Variants in GBP6 observed in about 807,000 individuals in gnomAD.
The protein encoded by GBP6 is guanylate binding protein family member 6.
GBP6 carries 54 observed loss-of-function variants against 61.5 expected under a neutral mutation model. The ratio of observed to expected loss-of-function variants is 0.88; its 90% CI spans 0.71 to 1.10. The LOEUF is 1.10. Among genes scored for constraint, GBP6 ranks in the 50% least tolerant of loss-of-function variants. The probability of loss-of-function intolerance (pLI) is 0.00; values close to 1 mark genes in which losing one functional copy is unlikely to be tolerated. For missense variants in GBP6, 748 were observed against 752.8 expected (o/e 0.99, Z 0.07); for synonymous variants, 255 against 273.7 (o/e 0.93, Z 0.67).
intron 7 of GBP6, among the ~76,000 whole-genome samples, chr1:89,382,454 C>G (rs1170732811): frequency 6.6e-6 from 1 of 152,158 alleles, no homozygotes; most frequent in Non-Finnish European, 1.5e-5. Context: ...GAACCTGAAG[C>G]TCAGGAAGAT....
Position 89,378,613 on chromosome 1 carries a change from G to A in GBP6, c.625G>A (p.Gly209Ser), listed in dbSNP as rs781420431. The change falls in exon 5 of 11, where the codon GGC becomes AGC. Residue 209 changes from glycine to serine, a missense_variant and splice_region_variant. Physicochemically the swap from Gly to Ser is moderately conservative, Grantham distance 56. Coordinates refer to ENST00000370456, the MANE Select transcript of GBP6 (RefSeq NM_198460.3). ...GGAGAATGCCTTGAAGCTGATTCAA[G>A]GTATCAGAATGTGGCCTGGGCTGTG... ...YLENALKLIQ[G>S]NNPRVQTSNF... 1 of 1,610,356 alleles carries A rather than the reference G, an allele frequency of 6.2e-7. No individual in the cohort carries two copies. Among genetic ancestry groups the A allele is most frequent in the South Asian group, 1.1e-5 (1 of 90,878 alleles).
chr1:89,383,867 C>T, intron 9 of GBP6, 113 bp downstream of exon 9: 3 of 913,250 alleles, frequency 3.3e-6, no homozygotes, highest in Non-Finnish European at 5.1e-6. Flanking sequence ...GTGGAACACA[C>T]ACTCTGCTAA....
chr1:89,381,703 C>T lies in GBP6; in HGVS notation c.881C>T (p.Thr294Ile), dbSNP rs1321718515. 1.9e-6 allele frequency: 3 copies of T among 1,602,872 alleles called. No individual in the cohort carries two copies. Among genetic ancestry groups the T allele is most frequent in the Middle Eastern group, 1.7e-4 (1 of 6,012 alleles). The change falls in exon 7 of 11, where the codon ACT (threonine) becomes ATT (isoleucine). Residue 294 changes from threonine to isoleucine, a missense_variant. Coordinates refer to ENST00000370456, the MANE Select transcript of GBP6 (RefSeq NM_198460.3). Reference sequence around the variant, plus strand: ...CTCCTGGTTCATTTAGGTCTGGGAACTCTGGCAGTGACTTATGTAGAGGCC... The same window carrying T: ...CTCCTGGTTCATTTAGGTCTGGGAATTCTGGCAGTGACTTATGTAGAGGCC... ...GITVTGNRLG[T>I]LAVTYVEAIN...
chr1:89,379,075 G>A (rs1052760335), intron 5 of GBP6, among the ~76,000 whole-genome samples: 3 of 152,162 alleles, frequency 2.0e-5, no homozygotes, highest in Non-Finnish European at 4.4e-5. Context: ...AAGAAAAGAA[G>A]TTTATTTGGC....
chr1:89,379,282 A>G (rs1238469362), intron 5 of GBP6, among the ~76,000 whole-genome samples: 1 of 152,058 alleles, frequency 6.6e-6, no homozygotes, highest in Non-Finnish European at 1.5e-5. Context: ...GGATGGTAAC[A>G]AGGTATTCAT....
At chr1:89,367,009 A>C (rs1652483760) in intron 1 of GBP6, among the ~76,000 whole-genome samples, 1 of 152,196 alleles carries the variant, frequency 6.6e-6, no homozygotes, top group Admixed American at 6.5e-5. Context: ...TGGCTGAATA[A>C]TAGCTGATTG....
rs762990402 is a variant in GBP6 at position 89,384,089 on chromosome 1, G to A, written c.1469-4G>A. On this transcript the variant is annotated splice_region_variant and splice_polypyrimidine_tract_variant and intron_variant, in intron 9 of 10. Coordinates refer to ENST00000370456, the MANE Select transcript of GBP6 (RefSeq NM_198460.3). ...CTTCTCTTTCTAATACCTTCATGGA[G>A]CAGTGGATCGGGCCAAGAAGGAGGC... 11 of 1,606,084 alleles carry A rather than the reference G, an allele frequency of 6.8e-6. No homozygotes were observed. In the Admixed American group the frequency reaches 1.2e-4, roughly 17 times the overall value.
Position 89,382,876 on chromosome 1 carries a change from G to T in GBP6, c.1365G>T (p.Lys455Asn). The part of the protein sequence containing the change: ...DYWQVPRKGV[K>N]AKEVFQRFLE... ...GGCAAGTTCCCAGGAAAGGAGTAAA[G>T]GTAAGGAATAAGGGGAGCATGGGGA... The change falls in exon 8 of 11, where the codon AAG (lysine) becomes AAT (asparagine). Residue 455 changes from lysine to asparagine, a missense_variant and splice_region_variant. Transcript: ENST00000370456. The T allele has an allele frequency of 6.2e-7, 1 of 1,607,454 alleles. No homozygotes were observed. Among genetic ancestry groups the T allele is most frequent in the Non-Finnish European group, 8.5e-7 (1 of 1,174,076 alleles).
chr1:89,383,387 C>T (rs779409436), intron 8 of GBP6, among the ~76,000 whole-genome samples: 1 of 152,094 alleles, frequency 6.6e-6, no homozygotes, highest in Non-Finnish European at 1.5e-5. Flanking sequence ...GGAGTTTGTA[C>T]ACCTGTGCAC....
In GBP6 at chr1:89,384,192, G is replaced by A. The variant is rs115489421; in HGVS notation, c.1568G>A (p.Arg523His). The change falls in exon 10 of 11, where the codon CGC becomes CAC. Residue 523 changes from arginine to histidine, a missense_variant. Coordinates refer to ENST00000370456, the MANE Select transcript of GBP6 (RefSeq NM_198460.3). ...CAGATGGAGGCTCAAGATAAGAGTCGCAAGGAAAACATAGCCCAACTGAAG... is the reference window on the plus strand; with the variant it reads ...CAGATGGAGGCTCAAGATAAGAGTCACAAGGAAAACATAGCCCAACTGAAG... ...QQQMEAQDKSRKENIAQLKEK... is the reference protein window; with the variant it reads ...QQQMEAQDKSHKENIAQLKEK... The A allele has an allele frequency of 1.1e-4, 180 of 1,613,990 alleles. 1 individual carries two copies. In the African/African-American group the frequency reaches 1.8e-3, roughly 16 times the overall value.
Position 89,385,444 on chromosome 1 carries a change from T to G in GBP6, c.1877T>G (p.Phe626Cys), listed in dbSNP as rs1347325557. ...GHGVKGVSSL[F>C]KKHKLPF ...GGTGTCAAAGGTGTGAGCTCACTCTTTAAAAAGCATAAGCTCCCCTTTTAA... is the reference window on the plus strand; with the variant it reads ...GGTGTCAAAGGTGTGAGCTCACTCTGTAAAAAGCATAAGCTCCCCTTTTAA... The change falls in exon 11 of 11, where the codon TTT becomes TGT. Residue 626 changes from phenylalanine (F) to cysteine (C), a missense_variant. Phe to Cys is a radical substitution (Grantham distance 205). Coordinates refer to ENST00000370456, the MANE Select transcript of GBP6 (RefSeq NM_198460.3). The G allele has an allele frequency of 6.2e-7, 1 of 1,614,140 alleles. No homozygotes were observed.
rs763393073 is a variant in GBP6, at chr1:89,385,234, A to G, written c.1667A>G (p.Gln556Arg). 2 of 1,612,824 alleles carry G rather than the reference A, an allele frequency of 1.2e-6. No individual in the cohort carries two copies. The highest frequency in any genetic ancestry group is 2.7e-5 in the African/African-American group (2 of 74,928). ...TCCTTCCTACATTGTCTTTAGGTCC[A>G]AAATGATTGGCTTCATGAAGGATTT... ...IMMLEHTQKV[Q>R]NDWLHEGFKK... is the part of the protein sequence containing the mutation. Residue 556 changes from glutamine (Q) to arginine (R), a missense_variant, in exon 11 of 11, where the codon CAA becomes CGA. Transcript: ENST00000370456.
chr1:89,373,621 C>G (rs1464089139), intron 3 of GBP6, among the ~76,000 whole-genome samples: 1 of 152,014 alleles, frequency 6.6e-6, no homozygotes, highest in African/African-American at 2.4e-5. Flanking sequence ...ACAATGAAAA[C>G]ACTTGGACAC....
chr1:89,365,021 C>T (rs1004548866), intron 1 of GBP6, among the ~76,000 whole-genome samples: 6 of 150,342 alleles, frequency 4.0e-5, no homozygotes, highest in East Asian at 2.0e-4. Flanking sequence ...CCCCGCCGCC[C>T]GTGTCCACAT....
intron 3 of GBP6, among the ~76,000 whole-genome samples, chr1:89,372,565 A>G (rs1164428672): frequency 6.6e-6 from 1 of 152,206 alleles, no homozygotes; most frequent in African/African-American, 2.4e-5. Context: ...AAATAGGGAA[A>G]GGATTCCCTA....
In GBP6 at chr1:89,384,293, C is replaced by G. The variant is rs755744949; in HGVS notation, c.1662+7C>G. The G allele has an allele frequency of 6.2e-7, 1 of 1,604,084 alleles. No homozygotes were observed. The highest frequency in any genetic ancestry group is 8.5e-7 in the Non-Finnish European group (1 of 1,175,140). On this transcript the variant is annotated splice_region_variant and intron_variant, in intron 10 of 10. Transcript: ENST00000370456. ...GTTGGAGCACACGCAGAAGGTAAGT[C>G]TGCCCTTGGCCTCAGCAGGCCAGAC...
At position 89,382,746 on chromosome 1, in the gene GBP6, A is replaced by G. The variant is rs1407424681; in HGVS notation, c.1235A>G (p.Glu412Gly). 6.2e-7 allele frequency: 1 copy of G among 1,613,970 alleles called. No individual in the cohort carries two copies. The highest frequency in any genetic ancestry group is 1.3e-5 in the African/African-American group (1 of 75,032). The stretch of plus-strand genomic sequence containing the variant: ...CAATACTGCCAGGCTAAACTCAATG[A>G]GCTCTCAAAGGGACTAATGGAAAGT... ...SVQYCQAKLN[E>G]LSKGLMESIS... is the part of the protein sequence containing the mutation. Residue 412 changes from glutamate (E) to glycine (G), a missense_variant, in exon 8 of 11, where the codon GAG becomes GGG. Physicochemically the swap from Glu to Gly is moderately conservative, Grantham distance 98 (BLOSUM62 -2). Coordinates refer to ENST00000370456, the MANE Select transcript of GBP6 (RefSeq NM_198460.3).
rs1653175336 is a variant in GBP6, at chr1:89,387,564, T to C, written c.*2095T>C. Among the ~76,000 whole-genome samples, 1 of 151,318 alleles carries C rather than the reference T, an allele frequency of 6.6e-6. No homozygotes were observed. Among genetic ancestry groups the C allele is most frequent in the Non-Finnish European group, 1.5e-5 (1 of 67,308 alleles). ...GTGATTATTTTCAATTGATAAAATA[T>C]CATGAACTTTCCAGAGATCAGTGGT... is the stretch of plus-strand genomic sequence containing the variant. On this transcript the variant is annotated 3_prime_UTR_variant, in exon 11 of 11. Transcript: ENST00000370456.
chr1:89,364,453 C>G (rs1652402283), intron 1 of GBP6, among the ~76,000 whole-genome samples: 1 of 152,224 alleles, frequency 6.6e-6, no homozygotes, highest in African/African-American at 2.4e-5. Context: ...GAACAAGGAG[C>G]TTCCAGGCAA....
Sources: allele counts gnomAD v4.1 joint callset (sites outside exome capture counted in the v4.1 genomes callset), GRCh38; gene constraint gnomAD v4.1.1; transcripts MANE v1.5; gene names NCBI Gene and HGNC (gene_info 2026-07-23, HGNC 2026-07-21).